The following PALM2AKAP2 variants were observed in gnomAD, a reference collection of about 807,000 sequenced individuals.
PALM2AKAP2 encodes PALM2 and AKAP2 fusion.
Under a neutral mutation model 71.5 loss-of-function variants are expected in PALM2AKAP2, and 37 were observed. The observed-to-expected ratio is 0.52, with a 90% CI of 0.40 to 0.68. The LOEUF (loss-of-function observed/expected upper bound fraction) is 0.68, where lower values mean the gene tolerates loss of function less well. Among genes scored for constraint, PALM2AKAP2 ranks in the 30% least tolerant of loss-of-function variants. PALM2AKAP2 has a pLI of 0.00. For synonymous variants in PALM2AKAP2, 468 were observed against 478.8 expected (o/e 0.98, Z 0.29); for missense variants, 1,224 against 1,191.8 (o/e 1.03, Z -0.40).
intron 6 of PALM2AKAP2, among the ~76,000 whole-genome samples, chr9:109,976,935 C>T (rs1203767120): frequency 2.0e-5 from 3 of 152,038 alleles, no homozygotes; most frequent in African/African-American, 7.2e-5. Context: ...TGTGCAAAAC[C>T]CAAAAACTTG....
chr9:109,962,793 C>T (rs1455383712), intron 6 of PALM2AKAP2, among the ~76,000 whole-genome samples: 3 of 152,182 alleles, frequency 2.0e-5, no homozygotes, highest in South Asian at 2.1e-4. Flanking sequence ...CAGGTGCATG[C>T]GACCAAGCCT....
chr9:110,091,459 C>CTTT (rs66848294), intron 1 of PALM2AKAP2, among the ~76,000 whole-genome samples: 931 of 83,620 alleles, frequency 0.011, 94 homozygotes, highest in African/African-American at 0.032. Flanking sequence ...GAGATTTATT[C>CTTT]TTTTTTTTTT....
In PALM2AKAP2 at chr9:110,050,465, A is replaced by G. The variant is rs117475894; in HGVS notation, c.156+1610A>G. On this transcript the variant is annotated intron_variant, in intron 1 of 3. Coordinates refer to ENST00000374525, the Ensembl canonical transcript of PALM2AKAP2. Reference sequence around the variant, plus strand: ...CCAACATTCATGAATACAATTTCATAATAATATGTCTAGAAATGAGGAGTA... The same window carrying G: ...CCAACATTCATGAATACAATTTCATGATAATATGTCTAGAAATGAGGAGTA... Among the ~76,000 whole-genome samples, 1,138 of 152,312 alleles carry G rather than the reference A, an allele frequency of 7.5e-3. 9 individuals carry two copies. Among genetic ancestry groups the G allele is most frequent in the Non-Finnish European group, 0.011 (736 of 68,026 alleles).
At chr9:110,021,216 C>T (rs1833068435) in intron 7 of PALM2AKAP2, among the ~76,000 whole-genome samples, 8 of 152,118 alleles carry the variant, frequency 5.3e-5, no homozygotes. Context: ...CTCATATACA[C>T]AGAAGGCCAT....
chr9:110,154,921 G>A (rs1049412950), intron 2 of PALM2AKAP2, among the ~76,000 whole-genome samples: 2 of 152,172 alleles, frequency 1.3e-5, no homozygotes, highest in African/African-American at 2.4e-5. Flanking sequence ...CCATTTAACC[G>A]CTATGGCAGT....
chr9:109,890,025 A>C (rs1464124354), intron 3 of PALM2AKAP2, among the ~76,000 whole-genome samples: 1 of 152,150 alleles, frequency 6.6e-6, no homozygotes, highest in African/African-American at 2.4e-5. Context: ...GTCTTTTTCC[A>C]ATTTTAGGTC....
At chr9:110,118,711 G>A (rs1267041355) in intron 1 of PALM2AKAP2, among the ~76,000 whole-genome samples, 4 of 152,034 alleles carry the variant, frequency 2.6e-5, no homozygotes, top group Admixed American at 2.6e-4. Flanking sequence ...ACATTGGAAA[G>A]GTGTAGAAAA....
intron 1 of PALM2AKAP2, among the ~76,000 whole-genome samples, chr9:109,768,811 TGTAA>T (rs1337293713): frequency 6.6e-6 from 1 of 152,310 alleles, no homozygotes; most frequent in African/African-American, 2.4e-5. Flanking sequence ...GTCAGCACCA[TGTAA>T]GTGTGTATTA....
At chr9:110,107,068 T>C (rs1835137569) in intron 1 of PALM2AKAP2, among the ~76,000 whole-genome samples, 3 of 152,186 alleles carry the variant, frequency 2.0e-5, no homozygotes, top group Non-Finnish European at 4.4e-5. Context: ...ACATTATCTA[T>C]TGGGGATATA....
At chr9:109,719,896 C>G (rs958336754) in intron 1 of PALM2AKAP2, among the ~76,000 whole-genome samples, 2 of 152,166 alleles carry the variant, frequency 1.3e-5, no homozygotes, top group Non-Finnish European at 2.9e-5. Flanking sequence ...TCAGGAAGCT[C>G]TTGACTATGG....
chr9:110,064,120 AT>A (rs1370257554), intron 1 of PALM2AKAP2, among the ~76,000 whole-genome samples: 11 of 152,278 alleles, frequency 7.2e-5, no homozygotes, highest in African/African-American at 2.4e-4. Flanking sequence ...AATCTTGTTG[AT>A]GGCTTAGATG....
intron 1 of PALM2AKAP2, among the ~76,000 whole-genome samples, chr9:109,782,138 C>T (rs903191080): frequency 6.6e-6 from 1 of 152,216 alleles, no homozygotes; most frequent in Non-Finnish European, 1.5e-5. Context: ...AAACATGGAG[C>T]CAGTAGCTGC....
intron 1 of PALM2AKAP2, among the ~76,000 whole-genome samples, chr9:109,761,079 G>C (rs1353366471): frequency 6.6e-6 from 1 of 152,112 alleles, no homozygotes; most frequent in Non-Finnish European, 1.5e-5. Flanking sequence ...CATTTCTTAT[G>C]TTCTTCATCT....
At chr9:109,823,531 T>G (rs769635379) in intron 1 of PALM2AKAP2, among the ~76,000 whole-genome samples, 11 of 152,296 alleles carry the variant, frequency 7.2e-5, no homozygotes, top group Non-Finnish European at 1.3e-4. Flanking sequence ...GGGGGATAGG[T>G]GTGTTACCTG....
chr9:109,889,126 G>T (rs900524849), intron 3 of PALM2AKAP2, among the ~76,000 whole-genome samples: 1 of 152,298 alleles, frequency 6.6e-6, no homozygotes, highest in South Asian at 2.1e-4. Flanking sequence ...AAATGACAAA[G>T]TGTTTCAGTT....
chr9:109,899,953 C>G (rs573282316), intron 3 of PALM2AKAP2, among the ~76,000 whole-genome samples: 1 of 152,324 alleles, frequency 6.6e-6, no homozygotes, highest in South Asian at 2.1e-4. Flanking sequence ...CCTCTAGCCT[C>G]AGCTGCCTAG....
At chr9:110,093,911 T>G (rs1354662689) in intron 1 of PALM2AKAP2, among the ~76,000 whole-genome samples, 1 of 152,240 alleles carries the variant, frequency 6.6e-6, no homozygotes. Flanking sequence ...TCGTGATACC[T>G]TGTGCGTCTT....
rs182671797 is a variant in PALM2AKAP2 at position 109,907,842 on chromosome 9, A to C, written c.258-15893A>C. 9.2e-5 allele frequency among the ~76,000 whole-genome samples: 14 copies of C among 152,352 alleles called. No individual in the cohort carries two copies. The East Asian group carries it at 2.7e-3, about 29-fold the overall frequency. On this transcript the variant is annotated intron_variant, in intron 3 of 9. Transcript: ENST00000302798. ...AGACAAAGTTCTCTTGAGGAAGAGC[A>C]GTTTGGATCAGTTGGAAGCCTCCCA...
intron 1 of PALM2AKAP2, among the ~76,000 whole-genome samples, chr9:109,803,822 G>A (rs556612957): frequency 1.3e-5 from 2 of 152,272 alleles, no homozygotes; most frequent in East Asian, 3.9e-4. Context: ...TCCTTTGATG[G>A]GTATGTGCTC....
Sources: allele counts gnomAD v4.1 joint callset (sites outside exome capture counted in the v4.1 genomes callset), GRCh38; gene constraint gnomAD v4.1.1; transcripts MANE v1.5; gene names NCBI Gene and HGNC (gene_info 2026-07-23, HGNC 2026-07-21).